DNAJC15: variants seen among roughly 807,000 people sequenced by gnomAD.
The protein encoded by DNAJC15 is dnaJ homolog subfamily C member 15.
A neutral mutation model predicts 22.4 loss-of-function variants in DNAJC15; 27 were observed. The ratio of observed to expected loss-of-function variants is 1.20; its 90% confidence interval spans 0.89 to 1.66. DNAJC15 has a LOEUF of 1.66. Ranked by LOEUF, DNAJC15 falls within the 40% of genes most tolerant of loss-of-function variation. DNAJC15 has a pLI of 0.00. For synonymous variants in DNAJC15, 79 were observed against 63.2 expected (o/e 1.25, Z -1.19); for missense variants, 208 against 187.1 (o/e 1.11, Z -0.65).
intron 1 of DNAJC15, among the ~76,000 whole-genome samples, chr13:43,042,103 A>G (rs1453724368): frequency 1.3e-5 from 2 of 152,200 alleles, no homozygotes; most frequent in Admixed American, 1.3e-4. Context: ...CCACCAGTGG[A>G]TGCCTGAAAC....
chr13:43,084,699 T>G (rs1180611970), intron 4 of DNAJC15, among the ~76,000 whole-genome samples: 3 of 152,202 alleles, frequency 2.0e-5, no homozygotes, highest in African/African-American at 7.2e-5. Flanking sequence ...GCCTAGAAAA[T>G]GTACTAATAA....
At chr13:43,043,061 C>A (rs1282121131) in intron 1 of DNAJC15, among the ~76,000 whole-genome samples, 1 of 152,216 alleles carries the variant, frequency 6.6e-6, no homozygotes, top group African/African-American at 2.4e-5. Flanking sequence ...GCAAGATTTT[C>A]TGACCAGTCA....
chr13:43,109,233 C>G lies in DNAJC15; in HGVS notation c.*1985C>G, dbSNP rs147531115. On this transcript the variant is annotated 3_prime_UTR_variant, in exon 6 of 6. Transcript: ENST00000379221. ...AACTATAGGGGCTATAGCTTGGTACCTTGTGAAGCAACTCTTGGTGTAACA... is the reference window on the plus strand; with the variant it reads ...AACTATAGGGGCTATAGCTTGGTACGTTGTGAAGCAACTCTTGGTGTAACA... 6.6e-6 allele frequency: 1 copy of G among 152,080 alleles called. No individual in the cohort carries two copies. Among genetic ancestry groups the G allele is most frequent in the Non-Finnish European group, 1.5e-5 (1 of 68,022 alleles). 9.4% of individuals were successfully genotyped at this position (152,080 alleles called of 1,614,324 possible). A position where few individuals can be genotyped will look rare whatever the true frequency, so the allele number is the denominator to read the frequency against.
At chr13:43,088,883 AG>A (rs1228252880) in intron 5 of DNAJC15, among the ~76,000 whole-genome samples, 1 of 147,094 alleles carries the variant, frequency 6.8e-6, no homozygotes, top group Non-Finnish European at 1.5e-5. Flanking sequence ...TTTGTTTTGG[AG>A]GGTTCATCTT....
chr13:43,032,593 G>A (rs981438204), intron 1 of DNAJC15, among the ~76,000 whole-genome samples: 1 of 152,308 alleles, frequency 6.6e-6, no homozygotes, highest in Non-Finnish European at 1.5e-5. Context: ...GGAGGCCAAG[G>A]TGAGCACATC....
chr13:43,090,770 C>T (rs951222800), intron 5 of DNAJC15, among the ~76,000 whole-genome samples: 26 of 148,348 alleles, frequency 1.8e-4, no homozygotes, highest in African/African-American at 6.2e-4. Context: ...TGCAGTGTTG[C>T]GATCTTGGCT....
intron 3 of DNAJC15, among the ~76,000 whole-genome samples, chr13:43,069,207 C>T (rs909692027): frequency 6.6e-6 from 1 of 151,996 alleles, no homozygotes; most frequent in Admixed American, 6.6e-5. Flanking sequence ...TAACTTTATT[C>T]CTGGTTTTGA....
Position 43,039,640 on chromosome 13 carries a change from G to A in DNAJC15, c.108+15906G>A, listed in dbSNP as rs79749964. ...TAAAATTTCAGTACAATAATAAAATGATAAAAGCTGTTGGTTGGGTGAAAA... is the reference window on the plus strand; with the variant it reads ...TAAAATTTCAGTACAATAATAAAATAATAAAAGCTGTTGGTTGGGTGAAAA... On this transcript the variant is annotated intron_variant, in intron 1 of 5. Coordinates refer to ENST00000379221, the MANE Select transcript of DNAJC15 (RefSeq NM_013238.3). Among the ~76,000 whole-genome samples, 100 of 152,300 alleles carry A rather than the reference G, an allele frequency of 6.6e-4. No individual in the cohort carries two copies. The East Asian group carries it at 0.017, about 26-fold the overall frequency.
intron 4 of DNAJC15, among the ~76,000 whole-genome samples, chr13:43,080,163 T>G (rs1186137455): frequency 6.6e-6 from 1 of 152,176 alleles, no homozygotes; most frequent in Non-Finnish European, 1.5e-5. Context: ...GTATAGATTA[T>G]TTTGTCACCC....
intron 1 of DNAJC15, among the ~76,000 whole-genome samples, chr13:43,051,098 C>G (rs1345625287): frequency 6.6e-6 from 1 of 152,076 alleles, no homozygotes; most frequent in African/African-American, 2.4e-5. Flanking sequence ...TCTCAGCCTC[C>G]CGAGTAGCTG....
intron 1 of DNAJC15, among the ~76,000 whole-genome samples, chr13:43,045,349 G>A (rs1017531976): frequency 6.6e-6 from 1 of 152,114 alleles, no homozygotes; most frequent in Non-Finnish European, 1.5e-5. Flanking sequence ...CTCAGACATC[G>A]AGTTGTAGAA....
intron 5 of DNAJC15, among the ~76,000 whole-genome samples, chr13:43,096,154 CAA>C (rs1292399138): frequency 6.6e-6 from 1 of 151,792 alleles, no homozygotes; most frequent in South Asian, 2.1e-4. Context: ...TTTTAAGTCT[CAA>C]AAGTCAATTG....
chr13:43,039,288 T>C (rs1593310939), intron 1 of DNAJC15, among the ~76,000 whole-genome samples: 1 of 152,358 alleles, frequency 6.6e-6, no homozygotes, highest in African/African-American at 2.4e-5. Context: ...TGACATTGAC[T>C]TAATTTATTA....
At chr13:43,098,007 A>G (rs1445358224) in intron 5 of DNAJC15, among the ~76,000 whole-genome samples, 6 of 152,260 alleles carry the variant, frequency 3.9e-5, no homozygotes, top group African/African-American at 1.4e-4. Flanking sequence ...ATCAGGGGTA[A>G]GAAAAAATGA....
intron 5 of DNAJC15, among the ~76,000 whole-genome samples, chr13:43,089,474 G>T (rs1469673376): frequency 6.6e-6 from 1 of 152,214 alleles, no homozygotes. Flanking sequence ...TCTGTGAGGA[G>T]ATGTACAGGA....
intron 4 of DNAJC15, chr13:43,078,895 C>T: frequency 2.7e-6 from 1 of 375,110 alleles, no homozygotes; most frequent in South Asian, 6.6e-5. Flanking sequence ...AAAAAACAGG[C>T]AAAGTTGTGA....
chr13:43,097,039 C>T (rs1047384179), intron 5 of DNAJC15, among the ~76,000 whole-genome samples: 4 of 152,180 alleles, frequency 2.6e-5, no homozygotes, highest in Admixed American at 6.5e-5. Flanking sequence ...TGTTGCTTTT[C>T]GCCACTAAGT....
chr13:43,064,668 TAAAG>T (rs1397133043), intron 1 of DNAJC15, among the ~76,000 whole-genome samples: 1 of 152,176 alleles, frequency 6.6e-6, no homozygotes, highest in Non-Finnish European at 1.5e-5. Flanking sequence ...TATTAATAAA[TAAAG>T]GCAATTCAGG....
chr13:43,084,621 C>A (rs2040678729), intron 4 of DNAJC15, among the ~76,000 whole-genome samples: 1 of 152,166 alleles, frequency 6.6e-6, no homozygotes, highest in Non-Finnish European at 1.5e-5. Flanking sequence ...GTAGCTTAAA[C>A]AAGATAGTAT....
Sources: allele counts gnomAD v4.1 joint callset (sites outside exome capture counted in the v4.1 genomes callset), GRCh38; gene constraint gnomAD v4.1.1; transcripts MANE v1.5; gene names NCBI Gene and HGNC (gene_info 2026-07-23, HGNC 2026-07-21).